GPHN: variants seen among roughly 807,000 people sequenced by gnomAD.
GPHN encodes the protein gephyrin.
Under a neutral mutation model 95.5 loss-of-function variants are expected in GPHN, and 17 were observed. That is an observed-to-expected ratio of 0.18 (90% CI 0.12 to 0.27). GPHN has a LOEUF of 0.27. Among genes scored for constraint, GPHN ranks in the 10% least tolerant of loss-of-function variants. The pLI is 1.00. For missense variants in GPHN, 660 were observed against 978.1 expected (o/e 0.67, Z 4.34); for synonymous variants, 320 against 322.5 (o/e 0.99, Z 0.08).
chr14:67,688,608 T>C, the GPHN span, among the ~76,000 whole-genome samples: 2 of 151,742 alleles, frequency 1.3e-5, no homozygotes, highest in African/African-American at 2.4e-5. Context: ...CTTTTTTTTT[T>C]TTTTTTGGTA....
chr14:66,963,416 A>G (rs2069095987), intron 8 of GPHN, among the ~76,000 whole-genome samples: 1 of 152,098 alleles, frequency 6.6e-6, no homozygotes, highest in African/African-American at 2.4e-5. Context: ...GACATAAAAT[A>G]GTAGCAAAAC....
chr14:67,494,478 G>T, the GPHN span, among the ~76,000 whole-genome samples: 2 of 152,194 alleles, frequency 1.3e-5, no homozygotes, highest in South Asian at 2.1e-4. Context: ...CAGCTGTGGG[G>T]GCTACAAGGT....
the GPHN span, chr14:67,725,314 C>T: frequency 6.5e-7 from 1 of 1,549,824 alleles, no homozygotes; most frequent in Non-Finnish European, 8.9e-7. Flanking sequence ...GGCTGCTCCA[C>T]CCTAGACCAT....
At chr14:66,586,358 C>G (rs2061419469) in intron 1 of GPHN, among the ~76,000 whole-genome samples, 1 of 152,148 alleles carries the variant, frequency 6.6e-6, no homozygotes, top group Non-Finnish European at 1.5e-5. Context: ...CAGTCTGTGT[C>G]TTTTAATTGG....
At chr14:66,832,785 A>G (rs983644110) in intron 4 of GPHN, among the ~76,000 whole-genome samples, 1 of 152,174 alleles carries the variant, frequency 6.6e-6, no homozygotes, top group African/African-American at 2.4e-5. Flanking sequence ...ATATTTAGCC[A>G]ATTCAGGCAA....
At chr14:67,344,105 T>A in the GPHN span, among the ~76,000 whole-genome samples, 28,855 of 152,178 alleles carry the variant, frequency 0.19, 4,379 homozygotes, top group East Asian at 0.48. Flanking sequence ...TTGTTTCTGA[T>A]TCATGAAGTT....
At chr14:67,423,161 A>G in the GPHN span, among the ~76,000 whole-genome samples, 1 of 151,968 alleles carries the variant, frequency 6.6e-6, no homozygotes, top group African/African-American at 2.4e-5. Context: ...CCCTGTCATC[A>G]TCAGTGTCTT....
intron 2 of GPHN, among the ~76,000 whole-genome samples, chr14:66,713,004 AT>A (rs1187889598): frequency 6.6e-6 from 1 of 151,158 alleles, no homozygotes; most frequent in Non-Finnish European, 1.5e-5. Flanking sequence ...TTTATTTTCT[AT>A]TTTTTGCTAA....
intron 3 of GPHN, among the ~76,000 whole-genome samples, chr14:66,786,798 A>C (rs915840729): frequency 2.6e-5 from 4 of 152,124 alleles, no homozygotes; most frequent in Non-Finnish European, 5.9e-5. Flanking sequence ...CGATTGATGC[A>C]AAAATAGCAT....
At chr14:67,569,910 TC>T in the GPHN span, 1 of 1,580,978 alleles carries the variant, frequency 6.3e-7, no homozygotes, top group Non-Finnish European at 8.7e-7. Context: ...ATTCCTCTCT[TC>T]CCTGCTCAGC....
intron 17 of GPHN, among the ~76,000 whole-genome samples, chr14:67,136,642 C>T (rs891578534): frequency 6.6e-6 from 1 of 152,094 alleles, no homozygotes; most frequent in African/African-American, 2.4e-5. Flanking sequence ...AAAAATGATA[C>T]TAGTTTTTCA....
At chr14:66,562,918 T>C (rs1594981243) in intron 1 of GPHN, among the ~76,000 whole-genome samples, 1 of 152,036 alleles carries the variant, frequency 6.6e-6, no homozygotes, top group East Asian at 1.9e-4. Flanking sequence ...TTTTCTTAAT[T>C]GACGTTAGCT....
the GPHN span, among the ~76,000 whole-genome samples, chr14:67,530,278 AATT>A: frequency 6.6e-6 from 1 of 152,204 alleles, no homozygotes; most frequent in African/African-American, 2.4e-5. Flanking sequence ...AAGAGGCCAG[AATT>A]ATTATCATCA....
intron 11 of GPHN, among the ~76,000 whole-genome samples, chr14:67,076,493 A>G (rs1431475776): frequency 6.6e-6 from 1 of 152,138 alleles, no homozygotes; most frequent in Non-Finnish European, 1.5e-5. Context: ...TCAAATCTGT[A>G]CATGCTTCAC....
At chr14:67,347,502 CTT>C in the GPHN span, 794 of 1,108,028 alleles carry the variant, frequency 7.2e-4, no homozygotes, top group Non-Finnish European at 7.6e-4. Context: ...TAAGTTCTCT[CTT>C]TTTTTTTTTT....
At chr14:67,314,773 C>T in the GPHN span, among the ~76,000 whole-genome samples, 1 of 152,156 alleles carries the variant, frequency 6.6e-6, no homozygotes, top group Non-Finnish European at 1.5e-5. Context: ...GGCTTTCCAT[C>T]AGAATTAGAC....
intron 1 of GPHN, among the ~76,000 whole-genome samples, chr14:66,512,548 A>C (rs1328000234): frequency 6.6e-6 from 1 of 151,842 alleles, no homozygotes; most frequent in Non-Finnish European, 1.5e-5. Flanking sequence ...TTTAAAAATC[A>C]TATTTTTGCT....
chr14:67,123,368 A>T (rs80196013), intron 17 of GPHN, among the ~76,000 whole-genome samples: 1 of 152,214 alleles, frequency 6.6e-6, no homozygotes, highest in Non-Finnish European at 1.5e-5. Flanking sequence ...CTCACACTGG[A>T]CATAGTCTAA....
At chr14:67,582,383 A>T in the GPHN span, 1 of 1,122,264 alleles carries the variant, frequency 8.9e-7, no homozygotes, top group Admixed American at 2.1e-5. The surrounding 1 kb of genome is among the most constrained non-coding windows in gnomAD (Gnocchi z 5.0). Flanking sequence ...CTCCTCACTC[A>T]CCGCAGATAT....
Sources: allele counts gnomAD v4.1 joint callset (sites outside exome capture counted in the v4.1 genomes callset), GRCh38; gene constraint gnomAD v4.1.1; non-coding constraint Gnocchi (gnomAD v3.1); transcripts MANE v1.5; gene names NCBI Gene and HGNC (gene_info 2026-07-23, HGNC 2026-07-21).